PABPC4L: variants seen among roughly 807,000 people sequenced by gnomAD.
PABPC4L encodes the protein poly(A) binding protein cytoplasmic 4 like.
For missense variants in PABPC4L, 452 were observed against 451.4 expected (o/e 1.00, Z -0.01); for synonymous variants, 169 against 164.1 (o/e 1.03, Z -0.23).
At chr4:134,043,501 A>G in the PABPC4L span, among the ~76,000 whole-genome samples, 1 of 152,134 alleles carries the variant, frequency 6.6e-6, no homozygotes, top group South Asian at 2.1e-4. Flanking sequence ...GGTTTTTGCC[A>G]TTGAAAGTAA....
chr4:134,026,041 A>G, the PABPC4L span, among the ~76,000 whole-genome samples: 1 of 152,134 alleles, frequency 6.6e-6, no homozygotes, highest in Non-Finnish European at 1.5e-5. Context: ...TTAAAAGATT[A>G]AAGCTTTTAT....
chr4:134,119,390 T>C, the PABPC4L span, among the ~76,000 whole-genome samples: 1 of 151,764 alleles, frequency 6.6e-6, no homozygotes, highest in Non-Finnish European at 1.5e-5. Flanking sequence ...ACCTTATACA[T>C]TGGCCTCATA....
At chr4:134,103,104 C>T in the PABPC4L span, among the ~76,000 whole-genome samples, 1 of 151,336 alleles carries the variant, frequency 6.6e-6, no homozygotes, top group East Asian at 2.0e-4. Context: ...TACTTAATTT[C>T]TTAAAGTTCC....
At chr4:134,065,058 A>G in the PABPC4L span, among the ~76,000 whole-genome samples, 1 of 151,942 alleles carries the variant, frequency 6.6e-6, no homozygotes, top group Non-Finnish European at 1.5e-5. Context: ...GATGAACATG[A>G]GTTTTCAGGT....
At chr4:134,059,004 A>G in the PABPC4L span, among the ~76,000 whole-genome samples, 4 of 152,074 alleles carry the variant, frequency 2.6e-5, no homozygotes, top group Admixed American at 6.6e-5. Context: ...GACACTCTAG[A>G]AAGTTTTATT....
the PABPC4L span, among the ~76,000 whole-genome samples, chr4:133,984,577 G>A: frequency 6.6e-6 from 1 of 151,774 alleles, no homozygotes; most frequent in South Asian, 2.1e-4. Context: ...TGAAATCTAT[G>A]AAAGTCAGGA....
At chr4:134,024,345 T>C in the PABPC4L span, among the ~76,000 whole-genome samples, 2 of 152,136 alleles carry the variant, frequency 1.3e-5, no homozygotes, top group Non-Finnish European at 2.9e-5. Context: ...AAACTCAGTG[T>C]CTTAAACAAC....
chr4:134,060,443 C>G, the PABPC4L span, among the ~76,000 whole-genome samples: 1 of 151,468 alleles, frequency 6.6e-6, no homozygotes, highest in Non-Finnish European at 1.5e-5. Context: ...ACCCATCCTT[C>G]TGCTTGAGGA....
downstream of PABPC4L, among the ~76,000 whole-genome samples, chr4:134,192,244 A>C (rs931061129): frequency 1.3e-5 from 2 of 152,118 alleles, no homozygotes; most frequent in Non-Finnish European, 2.9e-5. Flanking sequence ...TAAAACATTA[A>C]GTGAAAGAAG....
the PABPC4L span, among the ~76,000 whole-genome samples, chr4:134,047,168 A>G: frequency 6.6e-6 from 1 of 152,222 alleles, no homozygotes; most frequent in Non-Finnish European, 1.5e-5. Flanking sequence ...AAGTGATTGA[A>G]CAGTTAGCTT....
chr4:133,970,945 A>G, the PABPC4L span, among the ~76,000 whole-genome samples: 1 of 152,036 alleles, frequency 6.6e-6, no homozygotes, highest in Non-Finnish European at 1.5e-5. Context: ...TCTGTTGTTT[A>G]TATGTCTCCT....
chr4:133,989,450 A>C, the PABPC4L span, among the ~76,000 whole-genome samples: 1 of 152,170 alleles, frequency 6.6e-6, no homozygotes, highest in Non-Finnish European at 1.5e-5. Context: ...AACAAGAGTG[A>C]CTTTCACTTG....
the PABPC4L span, among the ~76,000 whole-genome samples, chr4:134,173,122 T>G: frequency 9.0e-6 from 1 of 111,714 alleles, no homozygotes; most frequent in African/African-American, 3.6e-5. Context: ...AAATTTAAAT[T>G]AGAAGAGCTA....
the PABPC4L span, among the ~76,000 whole-genome samples, chr4:133,986,419 A>C: frequency 6.6e-6 from 1 of 152,106 alleles, no homozygotes; most frequent in Admixed American, 6.5e-5. Flanking sequence ...AAAAAGCACT[A>C]TTTTGGAATT....
chr4:133,948,808 C>T, the PABPC4L span, among the ~76,000 whole-genome samples: 23 of 152,120 alleles, frequency 1.5e-4, no homozygotes, highest in Non-Finnish European at 2.1e-4. Flanking sequence ...CCCATTGAAC[C>T]CAACATTTAC....
the PABPC4L span, among the ~76,000 whole-genome samples, chr4:134,010,946 T>G: frequency 6.6e-5 from 10 of 152,146 alleles, no homozygotes; most frequent in Non-Finnish European, 1.5e-4. Flanking sequence ...TATAGCAAGT[T>G]TGAAGAATAG....
chr4:134,007,134 A>G, the PABPC4L span, among the ~76,000 whole-genome samples: 1 of 151,996 alleles, frequency 6.6e-6, no homozygotes, highest in Middle Eastern at 3.4e-3. Flanking sequence ...ACAGAAAAAG[A>G]AGCTCTTCTG....
At chr4:134,187,937 T>C in the PABPC4L span, among the ~76,000 whole-genome samples, 1 of 152,134 alleles carries the variant, frequency 6.6e-6, no homozygotes, top group Non-Finnish European at 1.5e-5. Context: ...TTTAGTTGCA[T>C]TAATATAGAT....
chr4:134,004,927 G>T, the PABPC4L span, among the ~76,000 whole-genome samples: 2 of 151,782 alleles, frequency 1.3e-5, no homozygotes, highest in Non-Finnish European at 3.0e-5. Context: ...GAACCAGAAA[G>T]TACATTGGTG....
Sources: gnomAD v4.1 joint callset for allele counts (sites outside exome capture counted in the v4.1 genomes callset) on GRCh38, gnomAD v4.1.1 for gene constraint, MANE v1.5 for transcripts, NCBI Gene and HGNC (gene_info 2026-07-23, HGNC 2026-07-21) for gene names.